Variants in GABRG2 observed in about 807,000 individuals in gnomAD.
The protein encoded by GABRG2 is gamma-aminobutyric acid receptor subunit gamma-2.
In GABRG2, 16 loss-of-function variants were observed where a neutral mutation model predicts 56.4. The ratio of observed to expected loss-of-function variants is 0.28; its 90% CI spans 0.19 to 0.43. The LOEUF is 0.43. Ranked by LOEUF, GABRG2 falls within the 20% of genes least tolerant of loss-of-function variation. The pLI is 1.00. For synonymous variants in GABRG2, 208 were observed against 205.5 expected, an observed-to-expected ratio of 1.01 and a Z score of -0.10; for missense variants, 327 against 582.7, an observed-to-expected ratio of 0.56 and a Z score of 4.52.
chr5:162,105,218 T>C (rs1761713458), intron 6 of GABRG2, among the ~76,000 whole-genome samples: 1 of 152,160 alleles, frequency 6.6e-6, no homozygotes, highest in Admixed American at 6.5e-5. Flanking sequence ...AAATTTATGA[T>C]TCGATTCTAC....
At chr5:162,113,753 T>C (rs956661277) in intron 6 of GABRG2, among the ~76,000 whole-genome samples, 6 of 152,232 alleles carry the variant, frequency 3.9e-5, no homozygotes, top group Non-Finnish European at 8.8e-5. Flanking sequence ...TCAAAGACAA[T>C]GTGTAATTCA....
intron 6 of GABRG2, among the ~76,000 whole-genome samples, chr5:162,112,408 CA>C (rs1280383559): frequency 1.3e-5 from 1 of 77,960 alleles, no homozygotes; most frequent in Non-Finnish European, 2.7e-5. Flanking sequence ...ATTTGAAAGA[CA>C]TTTTTTTTTT....
intron 1 of GABRG2, among the ~76,000 whole-genome samples, chr5:162,081,468 C>T (rs1759662143): frequency 6.6e-6 from 1 of 151,876 alleles, no homozygotes; most frequent in Non-Finnish European, 1.5e-5. Flanking sequence ...ACTTATGGTA[C>T]TCACAAGAAC....
chr5:162,106,444 T>A (rs1761833252), intron 6 of GABRG2, among the ~76,000 whole-genome samples: 1 of 152,192 alleles, frequency 6.6e-6, no homozygotes. Flanking sequence ...AAAGGCAGGC[T>A]GATTTCTGTG....
At chr5:162,075,248 T>C (rs1268632210) in intron 1 of GABRG2, among the ~76,000 whole-genome samples, 1 of 152,208 alleles carries the variant, frequency 6.6e-6, no homozygotes, top group Non-Finnish European at 1.5e-5. Context: ...CATGATAACA[T>C]AGGGAAAATT....
Position 162,142,243 on chromosome 5 carries a change from C to T in GABRG2, c.849C>T (p.Cys283=). ...GYFTIQTYIP[C]TLIVVLSWVS... ...TTACCATCCAGACCTATATCCCCTG[C>T]ACACTCATTGTCGTCCTATCCTGGG... Residue 283 remains cysteine, a synonymous_variant, in exon 7 of 10, where the codon TGC becomes TGT. Transcript: ENST00000639213. 6.2e-7 allele frequency: 1 copy of T among 1,614,030 alleles called. No homozygotes were observed. Among genetic ancestry groups the T allele is most frequent in the Non-Finnish European group, 8.5e-7 (1 of 1,179,900 alleles).
chr5:162,099,571 A>C (rs542619773), intron 4 of GABRG2: 1 of 152,210 alleles, frequency 6.6e-6, no homozygotes, highest in South Asian at 2.1e-4. Context: ...CATCTGGCCA[A>C]TGCCTGAATG....
intron 6 of GABRG2, among the ~76,000 whole-genome samples, chr5:162,124,992 GTGTA>G (rs758200362): frequency 6.8e-6 from 1 of 146,890 alleles, no homozygotes; most frequent in South Asian, 2.2e-4. Context: ...GTGTGTGTGT[GTGTA>G]TTTGCAACTA....
chr5:162,137,039 G>T (rs1377735491), intron 6 of GABRG2, among the ~76,000 whole-genome samples: 2 of 152,106 alleles, frequency 1.3e-5, no homozygotes, highest in East Asian at 3.9e-4. Flanking sequence ...CCCGAGAATG[G>T]TGGGCAGGTG....
chr5:162,088,837 G>A (rs1760336539), intron 1 of GABRG2, among the ~76,000 whole-genome samples: 1 of 152,096 alleles, frequency 6.6e-6, no homozygotes, highest in Admixed American at 6.6e-5. Context: ...AGGATTAAGT[G>A]AGAGAATGTA....
intron 6 of GABRG2, among the ~76,000 whole-genome samples, chr5:162,104,627 T>G (rs1243270288): frequency 8.5e-5 from 13 of 152,048 alleles, no homozygotes; most frequent in Non-Finnish European, 4.4e-5. Context: ...AGGAAGACAG[T>G]GTGTATGCAA....
At chr5:162,089,473 G>A (rs1421450696) in intron 1 of GABRG2, among the ~76,000 whole-genome samples, 1 of 151,872 alleles carries the variant, frequency 6.6e-6, no homozygotes, top group Non-Finnish European at 1.5e-5. Context: ...TATTAGAAAA[G>A]GTCAAAGATA....
chr5:162,139,118 C>T (rs961920207), intron 6 of GABRG2, among the ~76,000 whole-genome samples: 4 of 152,070 alleles, frequency 2.6e-5, no homozygotes, highest in Non-Finnish European at 2.9e-5. Context: ...TATATGTCTC[C>T]GCTCTTCAAT....
At chr5:162,105,018 G>A (rs988716265) in intron 6 of GABRG2, among the ~76,000 whole-genome samples, 2 of 152,094 alleles carry the variant, frequency 1.3e-5, no homozygotes, top group African/African-American at 2.4e-5. Flanking sequence ...TGTGTTCTCA[G>A]CTTACCATCT....
At chr5:162,109,157 C>A (rs1223711814) in intron 6 of GABRG2, among the ~76,000 whole-genome samples, 2 of 151,732 alleles carry the variant, frequency 1.3e-5, no homozygotes, top group South Asian at 4.2e-4. Flanking sequence ...AAATCAAACA[C>A]CGCATGTTCT....
rs534017024 is a variant in GABRG2 at position 162,154,271 on chromosome 5, T to C, written c.*903T>C. 1 of 152,314 alleles carries C rather than the reference T, an allele frequency of 6.6e-6. No individual in the cohort carries two copies. Among genetic ancestry groups the C allele is most frequent in the South Asian group, 2.1e-4 (1 of 4,824 alleles). The allele number at this position is 152,314 out of a possible 1,614,324, so 9.4% of individuals were successfully genotyped here. On this transcript the variant is annotated 3_prime_UTR_variant, in exon 10 of 10. Transcript: ENST00000639213. ...TATTTTTTTCTTCCTTTTAGGATGA[T>C]AGATCATAACAGAACTTATTCTCCA...
At chr5:162,083,309 T>G (rs1334131712) in intron 1 of GABRG2, among the ~76,000 whole-genome samples, 2 of 151,754 alleles carry the variant, frequency 1.3e-5, no homozygotes, top group African/African-American at 4.8e-5. Context: ...TCAGTGACCT[T>G]TAAATGATTC....
chr5:162,144,763 G>T (rs1764834718), intron 7 of GABRG2, among the ~76,000 whole-genome samples: 2 of 152,182 alleles, frequency 1.3e-5, no homozygotes, highest in South Asian at 4.1e-4. Context: ...AAGACCAATT[G>T]TAGGTACAGG....
At chr5:162,096,657 G>A (rs1289665468) in intron 3 of GABRG2, among the ~76,000 whole-genome samples, 1 of 152,006 alleles carries the variant, frequency 6.6e-6, no homozygotes, top group African/African-American at 2.4e-5. Context: ...GACACCCAGT[G>A]GGAGGTGGTG....
Sources: gnomAD v4.1 joint callset for allele counts (sites outside exome capture counted in the v4.1 genomes callset) on GRCh38, gnomAD v4.1.1 for gene constraint, MANE v1.5 for transcripts, NCBI Gene and HGNC (gene_info 2026-07-23, HGNC 2026-07-21) for gene names.